The following SSBP2 variants were observed in gnomAD, a reference collection of about 807,000 sequenced individuals.
SSBP2 encodes the protein single-stranded DNA-binding protein 2.
A neutral mutation model predicts 61.8 loss-of-function variants in SSBP2; 17 were observed. The observed-to-expected ratio is 0.28, with a 90% confidence interval of 0.19 to 0.41. The LOEUF (loss-of-function observed/expected upper bound fraction) is 0.41, where lower values mean the gene tolerates loss of function less well. Among genes scored for constraint, SSBP2 ranks in the 10% least tolerant of loss-of-function variants. The pLI, the probability that SSBP2 is intolerant of heterozygous loss-of-function variation, is 1.00. For synonymous variants in SSBP2, 139 were observed against 141.3 expected, an observed-to-expected ratio of 0.98 and a Z score of 0.12; for missense variants, 310 against 458.7, an observed-to-expected ratio of 0.68 and a Z score of 2.96.
chr5:81,508,458 T>C (rs750102649), intron 5 of SSBP2, among the ~76,000 whole-genome samples: 1 of 152,176 alleles, frequency 6.6e-6, no homozygotes, highest in Non-Finnish European at 1.5e-5. Context: ...CGACTAGTCT[T>C]ACTGATTTTA....
chr5:81,539,352 C>A (rs1771066323), intron 4 of SSBP2, among the ~76,000 whole-genome samples: 1 of 152,140 alleles, frequency 6.6e-6, no homozygotes, highest in Non-Finnish European at 1.5e-5. Context: ...TATGGATGAG[C>A]AAAGAGAGTG....
chr5:81,511,065 C>T (rs1263720764), intron 5 of SSBP2, among the ~76,000 whole-genome samples: 1 of 152,054 alleles, frequency 6.6e-6, no homozygotes, highest in East Asian at 1.9e-4. Flanking sequence ...TCTCCTTTTC[C>T]CTCTGGATCT....
intron 4 of SSBP2, among the ~76,000 whole-genome samples, chr5:81,590,446 T>C (rs148666092): frequency 6.6e-6 from 1 of 152,190 alleles, no homozygotes; most frequent in Non-Finnish European, 1.5e-5. Context: ...AAAGAGCTCA[T>C]CAAGGACAAG....
chr5:81,631,568 T>C (rs16877621), intron 3 of SSBP2, among the ~76,000 whole-genome samples: 1,836 of 152,104 alleles, frequency 0.012, 36 homozygotes, highest in African/African-American at 0.042. Context: ...CTGGGCATAC[T>C]GGCATCACAA....
chr5:81,541,350 C>T (rs550592717), intron 4 of SSBP2, among the ~76,000 whole-genome samples: 1 of 152,140 alleles, frequency 6.6e-6, no homozygotes, highest in South Asian at 2.1e-4. Flanking sequence ...CTGCCTAAGG[C>T]ACTCTATAGA....
At chr5:81,511,846 T>C (rs541412356) in intron 5 of SSBP2, among the ~76,000 whole-genome samples, 13 of 152,316 alleles carry the variant, frequency 8.5e-5, no homozygotes, top group East Asian at 1.9e-4. Context: ...GTGCCTGGCA[T>C]ATAGTAGTAC....
intron 8 of SSBP2, among the ~76,000 whole-genome samples, chr5:81,468,452 A>G (rs1485294467): frequency 1.3e-5 from 2 of 151,930 alleles, no homozygotes; most frequent in Admixed American, 1.3e-4. Context: ...ATGATGACCC[A>G]CACTACCTGT....
chr5:81,735,262 A>T (rs1756524487), intron 1 of SSBP2, among the ~76,000 whole-genome samples: 1 of 152,188 alleles, frequency 6.6e-6, no homozygotes, highest in South Asian at 2.1e-4. Flanking sequence ...TGATAAGACA[A>T]TCATGAGATT....
intron 1 of SSBP2, among the ~76,000 whole-genome samples, chr5:81,710,038 T>C (rs1754663084): frequency 6.6e-6 from 1 of 152,008 alleles, no homozygotes; most frequent in Non-Finnish European, 1.5e-5. Context: ...TGCCACAGTA[T>C]CCTCAAATTC....
intron 5 of SSBP2, among the ~76,000 whole-genome samples, chr5:81,512,522 G>A (rs1768694742): frequency 6.6e-6 from 1 of 152,096 alleles, no homozygotes; most frequent in Non-Finnish European, 1.5e-5. Context: ...TTATAAGATA[G>A]GGCCCCCACG....
intron 6 of SSBP2, among the ~76,000 whole-genome samples, chr5:81,486,041 G>T (rs1433778462): frequency 6.6e-6 from 1 of 152,122 alleles, no homozygotes; most frequent in Admixed American, 6.6e-5. Flanking sequence ...ATAGCTGTTT[G>T]AATTAATGAA....
At chr5:81,709,225 T>C (rs1754606956) in intron 1 of SSBP2, among the ~76,000 whole-genome samples, 2 of 152,008 alleles carry the variant, frequency 1.3e-5, no homozygotes, top group African/African-American at 2.4e-5. Context: ...GCAGATGTAA[T>C]GGCTTTCATT....
At chr5:81,514,321 G>C (rs10042201) in intron 4 of SSBP2, among the ~76,000 whole-genome samples, 60,553 of 151,362 alleles carry the variant, frequency 0.4, 13,680 homozygotes, top group African/African-American at 0.62. Flanking sequence ...GATTTGGAGA[G>C]AATAGTCTCA....
intron 6 of SSBP2, among the ~76,000 whole-genome samples, chr5:81,483,906 T>C (rs1766189468): frequency 6.6e-6 from 1 of 152,214 alleles, no homozygotes; most frequent in African/African-American, 2.4e-5. Context: ...AATTTAGTTC[T>C]TCACTCACAC....
intron 2 of SSBP2, among the ~76,000 whole-genome samples, chr5:81,643,595 C>CTTTTTTTTTTTT (rs368511957): frequency 3.3e-5 from 2 of 60,274 alleles, no homozygotes; most frequent in African/African-American, 6.3e-5. Context: ...TTTTTCCTTT[C>CTTTTTTTTTTTT]TTTTTTTTTT....
At chr5:81,444,682 G>C (rs1363260889) in intron 12 of SSBP2, among the ~76,000 whole-genome samples, 1 of 152,026 alleles carries the variant, frequency 6.6e-6, no homozygotes, top group Non-Finnish European at 1.5e-5. Flanking sequence ...ATCTTCAAAT[G>C]GTTTTTCAAC....
At chr5:81,688,579 T>C (rs182975943) in intron 1 of SSBP2, among the ~76,000 whole-genome samples, 1 of 152,250 alleles carries the variant, frequency 6.6e-6, no homozygotes, top group Admixed American at 6.5e-5. Context: ...AAAGACTGTT[T>C]GTTTGGAAGA....
chr5:81,751,230 G>T, upstream of SSBP2: 1 of 617,970 alleles, frequency 1.6e-6, no homozygotes, highest in Non-Finnish European at 2.8e-6. Context: ...CTGGCCTTCC[G>T]AAGCGCGCGG....
chr5:81,624,211 C>T (rs913759880), intron 3 of SSBP2, among the ~76,000 whole-genome samples: 8 of 152,132 alleles, frequency 5.3e-5, no homozygotes, highest in African/African-American at 1.9e-4. Flanking sequence ...AAATTAAATA[C>T]AAATTTAGTT....
Sources: gnomAD v4.1 joint callset for allele counts (sites outside exome capture counted in the v4.1 genomes callset) on GRCh38, gnomAD v4.1.1 for gene constraint, MANE v1.5 for transcripts, NCBI Gene and HGNC (gene_info 2026-07-23, HGNC 2026-07-21) for gene names.